The following PXDNL variants were observed in gnomAD, a reference collection of about 807,000 sequenced individuals.
The protein encoded by PXDNL is probable oxidoreductase PXDNL.
In PXDNL, 145 loss-of-function variants were observed where a neutral mutation model predicts 150.8. The observed-to-expected ratio is 0.96, with a 90% CI of 0.84 to 1.10. The LOEUF is 1.10. Among genes scored for constraint, PXDNL ranks in the 50% least tolerant of loss-of-function variants. PXDNL has a pLI of 0.00. For missense variants in PXDNL, 2,087 were observed against 1,873.9 expected, an observed-to-expected ratio of 1.11 and a Z score of -2.10; for synonymous variants, 757 against 725.7, an observed-to-expected ratio of 1.04 and a Z score of -0.69.
chr8:51,495,903 AGAGG>A lies in PXDNL; in HGVS notation c.452+3792_452+3795del, dbSNP rs199969871. Among the ~76,000 whole-genome samples, 104 of 152,326 alleles carry A rather than the reference AGAGG, an allele frequency of 6.8e-4. 1 individual carries two copies. In the East Asian group the frequency reaches 0.019, roughly 28 times the overall value. On this transcript the variant is annotated intron_variant, in intron 5 of 22. Coordinates refer to ENST00000356297, the MANE Select transcript of PXDNL (RefSeq NM_144651.5). ...TGAAACTATTCCAATCAACAGAAAA[AGAGG>A]GAATCCTCTCTAACTCATTTTATGA...
chr8:51,723,287 G>T (rs1485960348), intron 1 of PXDNL, among the ~76,000 whole-genome samples: 1 of 152,108 alleles, frequency 6.6e-6, no homozygotes, highest in Non-Finnish European at 1.5e-5. Context: ...CACAAATTGA[G>T]AGTCAAATGG....
chr8:51,587,536 C>T (rs1451913424), intron 3 of PXDNL, among the ~76,000 whole-genome samples: 1 of 152,034 alleles, frequency 6.6e-6, no homozygotes, highest in Admixed American at 6.6e-5. Context: ...CTATGCTATC[C>T]TTTGTGTTTG....
At chr8:51,766,659 C>T (rs2037234821) in intron 1 of PXDNL, among the ~76,000 whole-genome samples, 1 of 152,076 alleles carries the variant, frequency 6.6e-6, no homozygotes, top group Non-Finnish European at 1.5e-5. Flanking sequence ...TGTCATCCCA[C>T]TGCCTGAAGT....
intron 17 of PXDNL, among the ~76,000 whole-genome samples, chr8:51,396,331 C>A (rs1482738780): frequency 6.6e-6 from 1 of 152,352 alleles, no homozygotes; most frequent in Non-Finnish European, 1.5e-5. Context: ...TAGTGCAGCA[C>A]AGGGACGTGG....
At chr8:51,545,260 A>C (rs1242799504) in intron 4 of PXDNL, among the ~76,000 whole-genome samples, 10 of 152,216 alleles carry the variant, frequency 6.6e-5, no homozygotes, top group Non-Finnish European at 1.5e-4. Flanking sequence ...GCCATCTGTA[A>C]ATACGTTTGA....
At chr8:51,742,421 C>A in intron 1 of PXDNL, among the ~76,000 whole-genome samples, 1 of 152,060 alleles carries the variant, frequency 6.6e-6, no homozygotes, top group East Asian at 1.9e-4. Context: ...AATAATATCC[C>A]TGGATTATGT....
rs1172160540 is a variant in PXDNL, at chr8:51,457,577, A to T, written c.903T>A (p.Gly301=). 1 of 1,613,752 alleles carries T rather than the reference A, an allele frequency of 6.2e-7. No homozygotes were observed. ...MIRNTRESDQ[G]VYQCMARNSA... Reference sequence around the variant, plus strand: ...AATTTCTGGCCATGCACTGATAGACACCTTGGTCTGACTCTCTGGTGTTTC... The same window carrying T: ...AATTTCTGGCCATGCACTGATAGACTCCTTGGTCTGACTCTCTGGTGTTTC... The change falls in exon 9 of 23, where the codon GGT becomes GGA. Residue 301 remains glycine, a synonymous_variant. Transcript: ENST00000356297.
intron 3 of PXDNL, among the ~76,000 whole-genome samples, chr8:51,581,436 G>A (rs935078026): frequency 2.6e-5 from 4 of 152,036 alleles, no homozygotes; most frequent in Non-Finnish European, 5.9e-5. Context: ...TTGCAGTGCA[G>A]TGAGCTGAGA....
intron 21 of PXDNL, among the ~76,000 whole-genome samples, chr8:51,335,445 G>A (rs1352733856): frequency 6.6e-6 from 1 of 152,126 alleles, no homozygotes; most frequent in Non-Finnish European, 1.5e-5. Context: ...AAATGACTGA[G>A]ATGTGCTATG....
intron 1 of PXDNL, among the ~76,000 whole-genome samples, chr8:51,678,357 C>T (rs866098946): frequency 2.6e-5 from 4 of 152,154 alleles, no homozygotes; most frequent in Non-Finnish European, 5.9e-5. Flanking sequence ...TAGTCCACAC[C>T]TATTTTTGTG....
At chr8:51,749,145 T>C (rs2037016062) in intron 1 of PXDNL, among the ~76,000 whole-genome samples, 1 of 152,220 alleles carries the variant, frequency 6.6e-6, no homozygotes, top group South Asian at 2.1e-4. Context: ...ATACTAATTA[T>C]GTAGTACAAG....
At chr8:51,356,519 C>T (rs941212218) in intron 19 of PXDNL, among the ~76,000 whole-genome samples, 7 of 150,812 alleles carry the variant, frequency 4.6e-5, no homozygotes, top group Non-Finnish European at 8.9e-5. Flanking sequence ...AAAGAAAATC[C>T]GTACCTAAGA....
intron 5 of PXDNL, among the ~76,000 whole-genome samples, chr8:51,489,472 T>G (rs914330934): frequency 9.9e-5 from 15 of 152,152 alleles, no homozygotes; most frequent in African/African-American, 3.6e-4. Context: ...CCTGCCATCA[T>G]GCTCAGCTAA....
At chr8:51,464,740 G>T (rs1282089665) in intron 8 of PXDNL, among the ~76,000 whole-genome samples, 2 of 152,128 alleles carry the variant, frequency 1.3e-5, no homozygotes, top group African/African-American at 4.8e-5. Flanking sequence ...CTAGGGGAGG[G>T]ATAGCATTAG....
At chr8:51,363,797 A>C (rs149983279) in intron 19 of PXDNL, among the ~76,000 whole-genome samples, 175 of 152,298 alleles carry the variant, frequency 1.1e-3, no homozygotes, top group African/African-American at 3.9e-3. Flanking sequence ...TTTTCAGTGC[A>C]TGTTTTCTGG....
At chr8:51,676,805 A>G (rs984820540) in intron 1 of PXDNL, among the ~76,000 whole-genome samples, 1 of 152,230 alleles carries the variant, frequency 6.6e-6, no homozygotes, top group Non-Finnish European at 1.5e-5. Context: ...TCAGTGTCAT[A>G]TATCCCTTGG....
chr8:51,574,307 G>A (rs531128281), intron 3 of PXDNL, among the ~76,000 whole-genome samples: 2 of 152,024 alleles, frequency 1.3e-5, no homozygotes, highest in African/African-American at 4.8e-5. Flanking sequence ...TGGCAGGATG[G>A]AGAGGACAAC....
intron 1 of PXDNL, among the ~76,000 whole-genome samples, chr8:51,800,853 T>C (rs1056731679): frequency 1.3e-5 from 2 of 152,194 alleles, no homozygotes; most frequent in Non-Finnish European, 2.9e-5. Flanking sequence ...AGGACCACTA[T>C]TGTACAAATT....
chr8:51,738,845 T>A (rs1464385798), intron 1 of PXDNL, among the ~76,000 whole-genome samples: 2 of 152,112 alleles, frequency 1.3e-5, no homozygotes, highest in African/African-American at 4.8e-5. Flanking sequence ...CACAATCTCT[T>A]CCAAGAAATA....
Sources: allele counts gnomAD v4.1 joint callset (sites outside exome capture counted in the v4.1 genomes callset), GRCh38; gene constraint gnomAD v4.1.1; transcripts MANE v1.5; gene names NCBI Gene and HGNC (gene_info 2026-07-23, HGNC 2026-07-21).